Variants in SCOC observed in about 807,000 individuals in gnomAD.
The protein encoded by SCOC is short coiled-coil protein.
Under a neutral mutation model 9.9 loss-of-function variants are expected in SCOC, and 7 were observed. The observed-to-expected ratio is 0.71, with a 90% CI of 0.40 to 1.33. SCOC has a LOEUF of 1.33. Ranked by LOEUF, SCOC falls within the 40% of genes most tolerant of loss-of-function variation. SCOC has a pLI of 0.01. For synonymous variants in SCOC, 19 were observed against 28.2 expected (o/e 0.67, Z 1.03); for missense variants, 66 against 89.7 (o/e 0.74, Z 1.07).
At chr4:140,303,214 A>G (rs1423471208) in intron 1 of SCOC, among the ~76,000 whole-genome samples, 1 of 152,218 alleles carries the variant, frequency 6.6e-6, no homozygotes, top group Non-Finnish European at 1.5e-5. Flanking sequence ...TACATCTTGG[A>G]TGGCACCAAC....
chr4:140,321,545 A>G (rs915930157), intron 1 of SCOC, among the ~76,000 whole-genome samples: 2 of 152,224 alleles, frequency 1.3e-5, no homozygotes, highest in Non-Finnish European at 2.9e-5. Flanking sequence ...AGAAGATATG[A>G]AGACTGTCTT....
chr4:140,374,293 A>C (rs1471612449), intron 1 of SCOC: 2 of 400,684 alleles, frequency 5.0e-6, no homozygotes, highest in East Asian at 1.4e-4. Flanking sequence ...TTTGGAAAGG[A>C]GAAAGAGGAT....
chr4:140,325,349 A>T (rs1732614247), intron 1 of SCOC, among the ~76,000 whole-genome samples: 1 of 152,144 alleles, frequency 6.6e-6, no homozygotes, highest in Admixed American at 6.6e-5. Flanking sequence ...TTTGCCAAAG[A>T]TGCAGTTGAG....
intron 1 of SCOC, among the ~76,000 whole-genome samples, chr4:140,267,500 A>G (rs1730754065): frequency 6.6e-6 from 1 of 152,072 alleles, no homozygotes; most frequent in African/African-American, 2.4e-5. Flanking sequence ...TTCTAAATCA[A>G]AGGGTTCTGA....
At chr4:140,259,820 C>T (rs1199436544) in intron 1 of SCOC, among the ~76,000 whole-genome samples, 2 of 152,210 alleles carry the variant, frequency 1.3e-5, no homozygotes, top group African/African-American at 2.4e-5. Flanking sequence ...CATTAGAACC[C>T]TCCATGAAGC....
At chr4:140,361,749 G>A (rs537642396) in intron 2 of SCOC, among the ~76,000 whole-genome samples, 3 of 152,290 alleles carry the variant, frequency 2.0e-5, no homozygotes, top group South Asian at 4.1e-4. Flanking sequence ...AACGTAAAGA[G>A]TCATGGAGAT....
At chr4:140,279,414 A>G (rs1018211657) in intron 1 of SCOC, among the ~76,000 whole-genome samples, 1 of 152,132 alleles carries the variant, frequency 6.6e-6, no homozygotes, top group Non-Finnish European at 1.5e-5. Flanking sequence ...TTTGTATTTC[A>G]TCCTCAGTGC....
intron 2 of SCOC, among the ~76,000 whole-genome samples, chr4:140,357,377 A>C (rs1727277409): frequency 6.6e-6 from 1 of 152,166 alleles, no homozygotes; most frequent in Admixed American, 6.5e-5. Flanking sequence ...TTCTCCAGTA[A>C]ATTTGTCTTC....
intron 1 of SCOC, among the ~76,000 whole-genome samples, chr4:140,258,921 A>G (rs1445308684): frequency 6.6e-6 from 1 of 152,184 alleles, no homozygotes; most frequent in East Asian, 1.9e-4. Flanking sequence ...CTTACCTCTG[A>G]GCCAGAGTAT....
At chr4:140,269,213 G>A (rs185719722) in intron 1 of SCOC, among the ~76,000 whole-genome samples, 2 of 152,196 alleles carry the variant, frequency 1.3e-5, no homozygotes, top group Admixed American at 6.5e-5. Context: ...CTCCTCCTAT[G>A]AAAATGAGGG....
intron 1 of SCOC, among the ~76,000 whole-genome samples, chr4:140,292,611 T>C (rs902080696): frequency 2.0e-5 from 3 of 152,230 alleles, no homozygotes; most frequent in Non-Finnish European, 4.4e-5. Flanking sequence ...AATTTCATCT[T>C]AGTTATTGGC....
chr4:140,323,322 C>G (rs1437398782), intron 1 of SCOC, among the ~76,000 whole-genome samples: 1 of 152,146 alleles, frequency 6.6e-6, no homozygotes. Context: ...AACTTCCTCA[C>G]CAGAAGCCAA....
chr4:140,279,958 T>C (rs1731062626), intron 1 of SCOC, among the ~76,000 whole-genome samples: 1 of 152,152 alleles, frequency 6.6e-6, no homozygotes, highest in Non-Finnish European at 1.5e-5. Context: ...AGCAAATACA[T>C]TTTAGTTATT....
chr4:140,285,198 A>G (rs1275364749), intron 1 of SCOC: 2 of 456,664 alleles, frequency 4.4e-6, no homozygotes, highest in Non-Finnish European at 8.8e-6. Flanking sequence ...TGTGTTCGAT[A>G]GACATCCTGT....
chr4:140,324,341 G>A (rs532176270), intron 1 of SCOC, among the ~76,000 whole-genome samples: 48 of 152,212 alleles, frequency 3.2e-4, no homozygotes, highest in African/African-American at 1.1e-3. Flanking sequence ...CACCAGACTG[G>A]AAGTCATAGC....
At chr4:140,291,355 G>A (rs1042366559) in intron 1 of SCOC, 3 of 454,790 alleles carry the variant, frequency 6.6e-6, no homozygotes, top group East Asian at 7.0e-5. Flanking sequence ...AAGACTTCAC[G>A]TGGTGGCAGC....
chr4:140,369,195 A>G, upstream of SCOC: 1 of 264,046 alleles, frequency 3.8e-6, no homozygotes, highest in Non-Finnish European at 7.9e-6. Flanking sequence ...TGAACACCTT[A>G]ATTTACCAAA....
chr4:140,311,189 T>C (rs1438412372), intron 1 of SCOC, among the ~76,000 whole-genome samples: 1 of 152,162 alleles, frequency 6.6e-6, no homozygotes, highest in Non-Finnish European at 1.5e-5. Flanking sequence ...TGAGCTATGA[T>C]TGTGCCACTA....
At chr4:140,269,003 G>A (rs559603181) in intron 1 of SCOC, among the ~76,000 whole-genome samples, 56 of 152,266 alleles carry the variant, frequency 3.7e-4, no homozygotes, top group Admixed American at 1.6e-3. Context: ...AGATGAAGAC[G>A]GTCATGGGGA....
Sources: allele counts gnomAD v4.1 joint callset (sites outside exome capture counted in the v4.1 genomes callset), GRCh38; gene constraint gnomAD v4.1.1; transcripts MANE v1.5; gene names NCBI Gene and HGNC (gene_info 2026-07-23, HGNC 2026-07-21).